The following CREB5 variants were observed in gnomAD, a reference collection of about 807,000 sequenced individuals.
CREB5 encodes the protein cyclic AMP-responsive element-binding protein 5.
A neutral mutation model predicts 57.1 loss-of-function variants in CREB5; 19 were observed. The observed-to-expected ratio is 0.33, with a 90% CI of 0.23 to 0.49. CREB5 has a LOEUF of 0.49. Among genes scored for constraint, CREB5 ranks in the 20% least tolerant of loss-of-function variants. The pLI is 0.99. For synonymous variants in CREB5, 238 were observed against 238.3 expected, an observed-to-expected ratio of 1.00 and a Z score of 0.01; for missense variants, 579 against 671.6, an observed-to-expected ratio of 0.86 and a Z score of 1.52.
At chr7:28,484,784 G>C (rs572508701) in intron 1 of CREB5, among the ~76,000 whole-genome samples, 83 of 152,246 alleles carry the variant, frequency 5.5e-4, no homozygotes, top group Admixed American at 9.2e-4. Flanking sequence ...TTCTCAACTT[G>C]TGTCTTCTGA....
At chr7:28,453,287 A>G (rs1789919968) in intron 1 of CREB5, among the ~76,000 whole-genome samples, 1 of 152,028 alleles carries the variant, frequency 6.6e-6, no homozygotes, top group South Asian at 2.1e-4. Flanking sequence ...AAAATCAACA[A>G]AATTAGCTGG....
chr7:28,395,493 A>C (rs1787316732), intron 1 of CREB5, among the ~76,000 whole-genome samples: 1 of 152,194 alleles, frequency 6.6e-6, no homozygotes, highest in South Asian at 2.1e-4. Context: ...GCCTTAGTGC[A>C]TGTCAGGACA....
chr7:28,319,271 A>G (rs1277139866), intron 1 of CREB5, among the ~76,000 whole-genome samples: 1 of 152,198 alleles, frequency 6.6e-6, no homozygotes, highest in Non-Finnish European at 1.5e-5. Flanking sequence ...TAGTAAGGGC[A>G]AAAAGGGCTT....
chr7:28,780,939 A>T (rs1276765758), intron 7 of CREB5, among the ~76,000 whole-genome samples: 2 of 152,216 alleles, frequency 1.3e-5, no homozygotes, highest in East Asian at 3.8e-4. Flanking sequence ...TCTTAGCCAA[A>T]ATAGGGCTAA....
At chr7:28,441,808 G>A (rs1163054904) in intron 1 of CREB5, among the ~76,000 whole-genome samples, 1 of 151,908 alleles carries the variant, frequency 6.6e-6, no homozygotes, top group Non-Finnish European at 1.5e-5. Flanking sequence ...AGCTCTTTAT[G>A]GTTTTTAAAA....
intron 1 of CREB5, among the ~76,000 whole-genome samples, chr7:28,323,809 A>G (rs2127984812): frequency 6.6e-6 from 1 of 152,334 alleles, no homozygotes; most frequent in African/African-American, 2.4e-5. Flanking sequence ...AAATAACTAT[A>G]CAACTCACTA....
At chr7:28,700,688 G>A (rs1801809526) in intron 5 of CREB5, among the ~76,000 whole-genome samples, 1 of 152,116 alleles carries the variant, frequency 6.6e-6, no homozygotes, top group Non-Finnish European at 1.5e-5. Context: ...CTCAGATGAT[G>A]AGCTTCCTGC....
chr7:28,413,020 T>C, intron 1 of CREB5, 103 bp downstream of exon 1: 1 of 1,140,278 alleles, frequency 8.8e-7, no homozygotes, highest in Non-Finnish European at 1.2e-6. Context: ...AGAAATGGAG[T>C]TTAGATTTTG....
chr7:28,353,214 C>T (rs934977449), intron 1 of CREB5, among the ~76,000 whole-genome samples: 39 of 152,286 alleles, frequency 2.6e-4, no homozygotes, highest in African/African-American at 6.0e-4. Context: ...CTCAGCCTCC[C>T]GAATAGCTGG....
At chr7:28,631,633 C>T (rs182817529) in intron 5 of CREB5, among the ~76,000 whole-genome samples, 86 of 152,258 alleles carry the variant, frequency 5.6e-4, no homozygotes, top group African/African-American at 2.0e-3. Flanking sequence ...AGCGTGATCT[C>T]GGCTCACTGC....
At chr7:28,411,525 AG>A (rs2128002956), upstream of CREB5, among the ~76,000 whole-genome samples, 1 of 118,792 alleles carries the variant, frequency 8.4e-6, no homozygotes, top group Admixed American at 1.1e-4. Context: ...ACTTGTTGCA[AG>A]GGATCAAAGT....
At chr7:28,771,719 GC>G (rs902618128) in intron 7 of CREB5, among the ~76,000 whole-genome samples, 14 of 124,792 alleles carry the variant, frequency 1.1e-4, no homozygotes, top group Non-Finnish European at 1.9e-4. Context: ...TCCAGACCTG[GC>G]ACTTCATAAT....
chr7:28,664,768 A>T (rs57591703), intron 5 of CREB5, among the ~76,000 whole-genome samples: 29,759 of 152,090 alleles, frequency 0.2, 3,473 homozygotes, highest in East Asian at 0.5. Context: ...CATTTTGGTA[A>T]CAAAATGGAC....
At chr7:28,590,490 G>C (rs1796461718) in intron 5 of CREB5, among the ~76,000 whole-genome samples, 3 of 131,210 alleles carry the variant, frequency 2.3e-5, no homozygotes, top group African/African-American at 8.6e-5. Flanking sequence ...AGAACACTTG[G>C]ACACAGGAAG....
chr7:28,673,450 A>T (rs1250988515), intron 5 of CREB5, among the ~76,000 whole-genome samples: 1 of 152,210 alleles, frequency 6.6e-6, no homozygotes, highest in Non-Finnish European at 1.5e-5. Flanking sequence ...ATGGCATAGA[A>T]GTCTTAAAAT....
chr7:28,685,129 A>G (rs1334447461), intron 5 of CREB5, among the ~76,000 whole-genome samples: 1 of 152,126 alleles, frequency 6.6e-6, no homozygotes, highest in Non-Finnish European at 1.5e-5. Flanking sequence ...GGCCCCACCC[A>G]CACCAGCACC....
chr7:28,742,680 A>G (rs1346365082), intron 7 of CREB5, among the ~76,000 whole-genome samples: 1 of 152,210 alleles, frequency 6.6e-6, no homozygotes, highest in Non-Finnish European at 1.5e-5. Context: ...AATTGTATTC[A>G]TGATTTCTTA....
At chr7:28,329,675 C>A (rs1320230427) in intron 1 of CREB5, among the ~76,000 whole-genome samples, 2 of 152,190 alleles carry the variant, frequency 1.3e-5, no homozygotes, top group Non-Finnish European at 2.9e-5. Context: ...AGAACTTTTG[C>A]ATCCAGTTTT....
chr7:28,431,270 C>T (rs1163225923), intron 1 of CREB5, among the ~76,000 whole-genome samples: 2 of 152,188 alleles, frequency 1.3e-5, no homozygotes, highest in African/African-American at 2.4e-5. Context: ...GAGGACGGGT[C>T]ACTGGAAACA....
Sources: gnomAD v4.1 joint callset for allele counts (sites outside exome capture counted in the v4.1 genomes callset) on GRCh38, gnomAD v4.1.1 for gene constraint, MANE v1.5 for transcripts, NCBI Gene and HGNC (gene_info 2026-07-23, HGNC 2026-07-21) for gene names.